FRYL: variants seen among roughly 807,000 people sequenced by gnomAD.
FRYL encodes the protein FRY like transcription coactivator.
FRYL carries 150 observed loss-of-function variants against 351.2 expected under a neutral mutation model. That is an observed-to-expected ratio of 0.43 (90% confidence interval 0.37 to 0.49). FRYL has a LOEUF of 0.49. FRYL is among the 20% of genes least tolerant of loss of function. The pLI is 0.00. For missense variants in FRYL, 3,036 were observed against 3,619.3 expected, an observed-to-expected ratio of 0.84 and a Z score of 4.13; for synonymous variants, 1,153 against 1,257.1, an observed-to-expected ratio of 0.92 and a Z score of 1.75.
intron 3 of FRYL, among the ~76,000 whole-genome samples, chr4:48,644,048 A>T (rs563876833): frequency 6.6e-6 from 1 of 152,216 alleles, no homozygotes; most frequent in Admixed American, 6.5e-5. Flanking sequence ...GGATCAAGCG[A>T]TTCTTCTGCC....
At chr4:48,737,635 T>C (rs1472148129) in intron 1 of FRYL, among the ~76,000 whole-genome samples, 1 of 152,168 alleles carries the variant, frequency 6.6e-6, no homozygotes, top group African/African-American at 2.4e-5. Context: ...ATGACGCTAG[T>C]ATCACTCTAA....
intron 3 of FRYL, among the ~76,000 whole-genome samples, chr4:48,670,480 T>G (rs1283058083): frequency 6.6e-6 from 1 of 150,784 alleles, no homozygotes; most frequent in Admixed American, 6.6e-5. Context: ...ATATATAATT[T>G]TTTTTACTAT....
rs544274636 is a variant in FRYL, at chr4:48,543,725, T to C, written c.5592+82A>G. Reference sequence around the variant, plus strand: ...ATTCTAGATGCCCATTATCTTGCTCTAGCTATAGCAATCTATATGGACAAT... The same window carrying C: ...ATTCTAGATGCCCATTATCTTGCTCCAGCTATAGCAATCTATATGGACAAT... On this transcript the variant is annotated intron_variant, in intron 44 of 63. Transcript: ENST00000358350. 3.9e-5 allele frequency: 47 copies of C among 1,196,654 alleles called. No homozygotes were observed. The African/African-American group carries it at 6.4e-4, about 16-fold the overall frequency. 74.1% of individuals were successfully genotyped at this position (1,196,654 alleles called of 1,614,324 possible). A position where few individuals can be genotyped will look rare whatever the true frequency, so the allele number is the denominator to read the frequency against.
chr4:48,586,435 T>C (rs1373469782), intron 19 of FRYL, among the ~76,000 whole-genome samples, 186 bp downstream of exon 19: 1 of 151,068 alleles, frequency 6.6e-6, no homozygotes, highest in African/African-American at 2.4e-5. Flanking sequence ...AAGTTAAAAA[T>C]CAGTGAGGAA....
chr4:48,742,978 T>G (rs1399525056), intron 1 of FRYL, among the ~76,000 whole-genome samples: 4 of 132,538 alleles, frequency 3.0e-5, no homozygotes, highest in Non-Finnish European at 6.5e-5. Context: ...GGATAATTTT[T>G]TTTTTTTTTT....
rs1723042494 is a variant in FRYL, at chr4:48,514,111, G to A, written c.7937+917C>T. 1.1e-4 allele frequency among the ~76,000 whole-genome samples: 17 copies of A among 152,216 alleles called. No individual in the cohort carries two copies. In the South Asian group the frequency reaches 3.5e-3, roughly 32 times the overall value. On this transcript the variant is annotated intron_variant, in intron 56 of 63. Transcript: ENST00000358350. Reference sequence around the variant, plus strand: ...AAAAAATCTCCAATGTGTTGTATGTGTTAAAACTCTATTATCACATGAAGT... The same window carrying A: ...AAAAAATCTCCAATGTGTTGTATGTATTAAAACTCTATTATCACATGAAGT...
chr4:48,579,872 G>T (rs969830776), intron 22 of FRYL, among the ~76,000 whole-genome samples: 9 of 151,914 alleles, frequency 5.9e-5, no homozygotes, highest in Admixed American at 5.9e-4. Context: ...GCTTTTAAAG[G>T]TTCTTACCAC....
rs1304525175 is a variant in FRYL at position 48,510,200 on chromosome 4, G to T, written c.8296-43C>A. The T allele has an allele frequency of 3.6e-6, 5 of 1,376,396 alleles. No homozygotes were observed. The Admixed American group carries it at 8.4e-5, about 23-fold the overall frequency. The allele number at this position is 1,376,396 out of a possible 1,614,324, so 85.3% of individuals were successfully genotyped here. ...TTGATCCAGGTTACCATTTCTGATT[G>T]AAATCATGAGACTCACAAAATCATG... On this transcript the variant is annotated intron_variant, in intron 58 of 63. Transcript: ENST00000358350.
intron 33 of FRYL, among the ~76,000 whole-genome samples, chr4:48,559,523 C>T (rs1388349096): frequency 1.9e-5 from 1 of 54,000 alleles, no homozygotes; most frequent in African/African-American, 7.3e-5. Context: ...CAGATCCTCT[C>T]TCTCCAAAAA....
At chr4:48,514,304 T>C (rs950825144) in intron 56 of FRYL, among the ~76,000 whole-genome samples, 5 of 152,138 alleles carry the variant, frequency 3.3e-5, no homozygotes, top group East Asian at 1.9e-4. Context: ...AAACATAATA[T>C]TGAACCACAA....
chr4:48,626,940 T>C (rs1292886796), intron 4 of FRYL, among the ~76,000 whole-genome samples: 1 of 152,096 alleles, frequency 6.6e-6, no homozygotes, highest in Non-Finnish European at 1.5e-5. Flanking sequence ...AAGGTGAGAT[T>C]TGGGGAACGT....
intron 1 of FRYL, among the ~76,000 whole-genome samples, chr4:48,754,396 T>C (rs1773558163): frequency 6.6e-6 from 1 of 152,228 alleles, no homozygotes; most frequent in African/African-American, 2.4e-5. Context: ...CTGATGGACA[T>C]TTGGGTTGTT....
intron 9 of FRYL, 127 bp from the exon 10 acceptor site, chr4:48,606,733 T>A (rs1746925910): frequency 1.6e-6 from 1 of 615,926 alleles, no homozygotes; most frequent in African/African-American, 1.8e-5. Flanking sequence ...TCATTACAAT[T>A]GCCAGAAAGG....
chr4:48,591,680 G>A (rs971480503), intron 16 of FRYL, among the ~76,000 whole-genome samples: 2 of 152,024 alleles, frequency 1.3e-5, no homozygotes, highest in African/African-American at 2.4e-5. Context: ...TCAAGGCAAC[G>A]TTCTCCTGGG....
At chr4:48,534,776 G>T in intron 48 of FRYL, 91 bp from the exon 49 acceptor site, 1 of 773,842 alleles carries the variant, frequency 1.3e-6, no homozygotes, top group Non-Finnish European at 2.0e-6. Flanking sequence ...GGAAAACATA[G>T]ATTTAGCCTA....
intron 1 of FRYL, among the ~76,000 whole-genome samples, chr4:48,744,489 A>G (rs1281517854): frequency 2.0e-5 from 3 of 152,220 alleles, no homozygotes; most frequent in Non-Finnish European, 2.9e-5. Context: ...GGGAACCCCA[A>G]AGAAATGTTA....
chr4:48,718,598 G>A (rs1436337191), intron 1 of FRYL, among the ~76,000 whole-genome samples: 1 of 151,336 alleles, frequency 6.6e-6, no homozygotes, highest in African/African-American at 2.4e-5. Context: ...CAGAGGTTGA[G>A]ACTTGTCTAC....
intron 3 of FRYL, among the ~76,000 whole-genome samples, chr4:48,660,517 G>A (rs541156190): frequency 1.1e-3 from 165 of 152,320 alleles, no homozygotes; most frequent in African/African-American, 3.4e-3. Flanking sequence ...TGCCAGGTAA[G>A]GGGGTGCCCA....
intron 27 of FRYL, 49 bp downstream of exon 27, chr4:48,570,778 G>T: frequency 1.5e-6 from 2 of 1,332,764 alleles, no homozygotes; most frequent in Non-Finnish European, 1.1e-6. Context: ...AAGAGATTAC[G>T]TTCTCTAGGA....
Sources: allele counts gnomAD v4.1 joint callset (sites outside exome capture counted in the v4.1 genomes callset), GRCh38; gene constraint gnomAD v4.1.1; transcripts MANE v1.5; gene names NCBI Gene and HGNC (gene_info 2026-07-23, HGNC 2026-07-21).